The following APBB2 variants were observed in gnomAD, a reference collection of about 807,000 sequenced individuals.
The protein encoded by APBB2 is Fe65-like 1.
In APBB2, 38 loss-of-function variants were observed where a neutral mutation model predicts 82.5. The observed-to-expected ratio is 0.46, with a 90% CI of 0.36 to 0.60. The LOEUF (loss-of-function observed/expected upper bound fraction) is 0.60. Among genes scored for constraint, APBB2 ranks in the 20% least tolerant of loss-of-function variants. The pLI is 0.00. For synonymous variants in APBB2, 341 were observed against 368.2 expected (o/e 0.93, Z 0.85); for missense variants, 772 against 972.3 (o/e 0.79, Z 2.74).
At chr4:40,860,016 C>T (rs981404918) in intron 12 of APBB2, among the ~76,000 whole-genome samples, 6 of 152,214 alleles carry the variant, frequency 3.9e-5, no homozygotes, top group Non-Finnish European at 8.8e-5. Context: ...GCTTTTCCTT[C>T]GTACTCCTGC....
intron 6 of APBB2, among the ~76,000 whole-genome samples, chr4:40,998,788 G>C (rs778368038): frequency 3.9e-5 from 6 of 152,234 alleles, no homozygotes; most frequent in South Asian, 4.2e-4. Context: ...AGGGTGACTT[G>C]AGCACAAGCA....
chr4:40,820,216 T>C (rs1266850132), intron 17 of APBB2, among the ~76,000 whole-genome samples: 1 of 152,218 alleles, frequency 6.6e-6, no homozygotes, highest in Non-Finnish European at 1.5e-5. Context: ...CCTCTGCTCC[T>C]GTTTGTTCCC....
chr4:40,857,364 C>T (rs575824255), intron 12 of APBB2, among the ~76,000 whole-genome samples: 2 of 152,250 alleles, frequency 1.3e-5, no homozygotes, highest in Non-Finnish European at 2.9e-5. Flanking sequence ...TACTCCCTTC[C>T]TGTAACGAAC....
chr4:40,988,410 C>A (rs528299279), intron 6 of APBB2, among the ~76,000 whole-genome samples: 1 of 151,726 alleles, frequency 6.6e-6, no homozygotes, highest in African/African-American at 2.4e-5. Flanking sequence ...TGGAGGCAGG[C>A]GGATCACCTA....
chr4:40,850,451 C>G (rs1475615017), intron 12 of APBB2, among the ~76,000 whole-genome samples: 1 of 152,212 alleles, frequency 6.6e-6, no homozygotes, highest in Non-Finnish European at 1.5e-5. Context: ...CAACACAAAG[C>G]TGGCCAAAGA....
In APBB2 at chr4:40,848,772, A is replaced by G. The variant is rs59106894; in HGVS notation, c.1530-18195T>C. 5.1e-3 allele frequency among the ~76,000 whole-genome samples: 769 copies of G among 151,340 alleles called. 4 individuals are homozygous for G. Among genetic ancestry groups the G allele is most frequent in the African/African-American group, 0.018 (731 of 41,142 alleles). Reference sequence around the variant, plus strand: ...CTGGGACCGTTTTGCTCCGAAACATACAAGCCCGCCCCTGCCTGGGCTTGC... The same window carrying G: ...CTGGGACCGTTTTGCTCCGAAACATGCAAGCCCGCCCCTGCCTGGGCTTGC... On this transcript the variant is annotated intron_variant, in intron 12 of 17. Transcript: ENST00000508593.
At chr4:41,154,792 G>C (rs1763064681) in intron 1 of APBB2, among the ~76,000 whole-genome samples, 2 of 152,258 alleles carry the variant, frequency 1.3e-5, no homozygotes, top group South Asian at 4.1e-4. Flanking sequence ...TGTTTTAAAA[G>C]TCCTATGCCA....
rs192472445 is a variant in APBB2, at chr4:40,948,165, T to G, written c.836-3092A>C. Among the ~76,000 whole-genome samples, 51 of 152,344 alleles carry G rather than the reference T, an allele frequency of 3.3e-4. 1 individual carries two copies. In the East Asian group the frequency reaches 9.6e-3, roughly 29 times the overall value. Reference sequence around the variant, plus strand: ...AAGAAATCTTGAGTGAGATTTTGTTTATTTTTCATACTGAGAAGTTCCACA... The same window carrying G: ...AAGAAATCTTGAGTGAGATTTTGTTGATTTTTCATACTGAGAAGTTCCACA... On this transcript the variant is annotated intron_variant, in intron 6 of 17. Transcript: ENST00000508593.
At chr4:40,868,111 G>C (rs1438090190) in intron 12 of APBB2, among the ~76,000 whole-genome samples, 1 of 151,688 alleles carries the variant, frequency 6.6e-6, no homozygotes, top group African/African-American at 2.4e-5. Context: ...TCCCATGTCA[G>C]CCTCCCCAAG....
chr4:40,940,050 A>G (rs1162986153), intron 7 of APBB2, among the ~76,000 whole-genome samples: 1 of 152,146 alleles, frequency 6.6e-6, no homozygotes, highest in African/African-American at 2.4e-5. Context: ...TTTTTCATTC[A>G]GCAAATAGTT....
At chr4:41,212,059 A>T (rs1779462683) in intron 1 of APBB2, among the ~76,000 whole-genome samples, 2 of 152,216 alleles carry the variant, frequency 1.3e-5, no homozygotes, top group Non-Finnish European at 2.9e-5. Context: ...GTCCACACAC[A>T]TCATTATTCT....
intron 5 of APBB2, among the ~76,000 whole-genome samples, chr4:41,017,636 T>G (rs935058663): frequency 6.7e-6 from 1 of 148,844 alleles, no homozygotes; most frequent in Non-Finnish European, 1.5e-5. Context: ...CACCACTTTG[T>G]ACGAGTTTAT....
At chr4:41,188,465 G>A (rs1371532728) in intron 1 of APBB2, among the ~76,000 whole-genome samples, 3 of 152,092 alleles carry the variant, frequency 2.0e-5, no homozygotes, top group Non-Finnish European at 4.4e-5. Flanking sequence ...CAGCCCTCAT[G>A]GATGGGATTT....
chr4:41,145,699 T>C (rs2154023839), intron 1 of APBB2, among the ~76,000 whole-genome samples: 1 of 152,300 alleles, frequency 6.6e-6, no homozygotes, highest in East Asian at 1.9e-4. Context: ...GCCCTGTTGA[T>C]AACACTACAG....
chr4:41,000,530 G>A (rs1209257562), intron 6 of APBB2, among the ~76,000 whole-genome samples: 1 of 152,158 alleles, frequency 6.6e-6, no homozygotes, highest in Non-Finnish European at 1.5e-5. Flanking sequence ...AGAACAAGCA[G>A]GATGTCTGAC....
chr4:40,843,834 C>T (rs1756693940), intron 12 of APBB2, among the ~76,000 whole-genome samples: 1 of 152,208 alleles, frequency 6.6e-6, no homozygotes, highest in South Asian at 2.1e-4. Context: ...GAGGCTAAGA[C>T]ACTTGGCCAA....
intron 10 of APBB2, among the ~76,000 whole-genome samples, chr4:40,919,296 C>T (rs758254605): frequency 9.9e-5 from 15 of 152,110 alleles, no homozygotes; most frequent in African/African-American, 2.7e-4. Context: ...TAAGAGGAGG[C>T]GACAAACACC....
chr4:40,978,545 T>A (rs1344932073), intron 6 of APBB2, among the ~76,000 whole-genome samples: 2 of 151,988 alleles, frequency 1.3e-5, no homozygotes, highest in Admixed American at 6.5e-5. Flanking sequence ...GTATTTTTTT[T>A]AAATCAAGCA....
intron 6 of APBB2, among the ~76,000 whole-genome samples, chr4:40,951,374 G>A (rs187285113): frequency 5.2e-4 from 79 of 152,260 alleles, no homozygotes; most frequent in Middle Eastern, 3.4e-3. Context: ...ATAGAAAGCC[G>A]GCCTAGTCGA....
Sources: gnomAD v4.1 joint callset for allele counts (sites outside exome capture counted in the v4.1 genomes callset) on GRCh38, gnomAD v4.1.1 for gene constraint, MANE v1.5 for transcripts, NCBI Gene and HGNC (gene_info 2026-07-23, HGNC 2026-07-21) for gene names.